The following RAD54B variants were observed in gnomAD, a reference collection of about 807,000 sequenced individuals.
RAD54B encodes DNA repair and recombination protein RAD54B.
Under a neutral mutation model 95.8 loss-of-function variants are expected in RAD54B, and 78 were observed. The observed-to-expected ratio is 0.81, with a 90% confidence interval of 0.68 to 0.98. The LOEUF (loss-of-function observed/expected upper bound fraction) is 0.98. RAD54B is among the 50% of genes least tolerant of loss of function. The pLI, the probability that RAD54B is intolerant of heterozygous loss-of-function variation, is 0.00. For synonymous variants in RAD54B, 328 were observed against 354.9 expected (o/e 0.92, Z 0.85); for missense variants, 957 against 1,056.6 (o/e 0.91, Z 1.31).
intron 3 of RAD54B, among the ~76,000 whole-genome samples, chr8:94,444,376 G>C (rs1301612384): frequency 6.8e-6 from 1 of 147,742 alleles, no homozygotes; most frequent in Non-Finnish European, 1.5e-5. Flanking sequence ...AAGACCACAT[G>C]CATAAGGATG....
Position 94,467,461 on chromosome 8 carries a change from T to G in RAD54B, c.79A>C (p.Asn27His), listed in dbSNP as rs769043606. 4.8e-5 allele frequency: 78 copies of G among 1,613,572 alleles called. No individual in the cohort carries two copies. Among genetic ancestry groups the G allele is most frequent in the Non-Finnish European group, 6.5e-5 (77 of 1,179,802 alleles). Residue 27 changes from asparagine to histidine, a missense_variant, in exon 2 of 15, where the codon AAT becomes CAT. Physicochemically the swap from Asn to His is moderately conservative, Grantham distance 68. Transcript: ENST00000336148. ...GTAATCTCTTCATTCAGACCTGGAT[T>G]ACTTCTTCCTGGAGGTATAAATTTT... ...KPKFIPPGRS[N>H]PGLNEEITKL...
At chr8:94,458,989 G>C (rs979040482) in intron 2 of RAD54B, among the ~76,000 whole-genome samples, 1 of 151,992 alleles carries the variant, frequency 6.6e-6, no homozygotes, top group African/African-American at 2.4e-5. Context: ...TATAATTATA[G>C]TGTATTTTAA....
intron 3 of RAD54B, among the ~76,000 whole-genome samples, chr8:94,414,691 T>C (rs558524191): frequency 2.0e-5 from 3 of 152,110 alleles, no homozygotes; most frequent in Admixed American, 6.6e-5. Context: ...AATCAATGTA[T>C]AAAAATCACA....
intron 8 of RAD54B, among the ~76,000 whole-genome samples, chr8:94,395,621 G>C (rs1811125415): frequency 6.6e-6 from 1 of 152,128 alleles, no homozygotes; most frequent in Admixed American, 6.5e-5. Flanking sequence ...GAGCTAGAAA[G>C]GGCACCAAGA....
intron 4 of RAD54B, among the ~76,000 whole-genome samples, chr8:94,409,113 T>G (rs887628081): frequency 2.0e-5 from 3 of 152,102 alleles, no homozygotes; most frequent in African/African-American, 7.2e-5. Context: ...CACCTCTATC[T>G]TTACATTAAC....
At position 94,415,209 on chromosome 8, in the gene RAD54B, A is replaced by T. The variant is rs529413878; in HGVS notation, c.305-3894T>A. On this transcript the variant is annotated intron_variant, in intron 3 of 14. Transcript: ENST00000336148. ...ATAGAACAGAGCCCTCAGAAATAAC[A>T]CCGCATATCTACAACTATCTGATCT... Among the ~76,000 whole-genome samples, 900 of 151,650 alleles carry T rather than the reference A, an allele frequency of 5.9e-3. 9 individuals are homozygous for T. Among genetic ancestry groups the T allele is most frequent in the Middle Eastern group, 0.027 (8 of 294 alleles).
At chr8:94,393,394 T>A in intron 9 of RAD54B, 1 of 194,108 alleles carries the variant, frequency 5.2e-6, no homozygotes. Flanking sequence ...ACTCCAGGAG[T>A]TCAAGGCCAG....
chr8:94,404,591 G>C (rs1205186675), intron 5 of RAD54B, among the ~76,000 whole-genome samples: 1 of 152,120 alleles, frequency 6.6e-6, no homozygotes, highest in Non-Finnish European at 1.5e-5. Flanking sequence ...TGAAAGTACA[G>C]GTTGGAATTT....
intron 3 of RAD54B, among the ~76,000 whole-genome samples, chr8:94,426,833 G>A (rs1256704302): frequency 1.3e-5 from 2 of 152,094 alleles, no homozygotes; most frequent in East Asian, 3.8e-4. Flanking sequence ...GCATTTCACT[G>A]TATGCAAATC....
intron 3 of RAD54B, chr8:94,427,586 G>T: frequency 2.8e-6 from 1 of 360,104 alleles, no homozygotes; most frequent in Non-Finnish European, 3.9e-6. Flanking sequence ...TTTAGATATG[G>T]TACATTGGCC....
At chr8:94,454,595 T>C (rs200381748) in intron 3 of RAD54B, among the ~76,000 whole-genome samples, 26 of 87,462 alleles carry the variant, frequency 3.0e-4, no homozygotes, top group Non-Finnish European at 6.3e-4. Context: ...ATCTTTTGTG[T>C]TTAACAAGCC....
chr8:94,422,479 T>G (rs1811826999), intron 3 of RAD54B, among the ~76,000 whole-genome samples: 3 of 145,128 alleles, frequency 2.1e-5, no homozygotes, highest in Non-Finnish European at 3.0e-5. Context: ...GCCGGCTACT[T>G]GGGTAGCTGA....
chr8:94,474,326 C>T (rs1233172755), intron 1 of RAD54B, among the ~76,000 whole-genome samples: 1 of 152,114 alleles, frequency 6.6e-6, no homozygotes, highest in Non-Finnish European at 1.5e-5. Context: ...TATACCGATG[C>T]AACAAACCTG....
intron 3 of RAD54B, among the ~76,000 whole-genome samples, chr8:94,423,842 A>C (rs1232679018): frequency 6.6e-6 from 1 of 152,214 alleles, no homozygotes; most frequent in Admixed American, 6.5e-5. Flanking sequence ...GTCACTGTGC[A>C]TTGAATTAAA....
chr8:94,454,722 C>T (rs773590867), intron 3 of RAD54B, among the ~76,000 whole-genome samples: 4 of 152,134 alleles, frequency 2.6e-5, no homozygotes, highest in Non-Finnish European at 5.9e-5. Flanking sequence ...TTCTCATCTG[C>T]AGGCATAAAA....
intron 3 of RAD54B, among the ~76,000 whole-genome samples, chr8:94,422,617 A>AATATATATATATAT (rs1166692675): frequency 2.5e-4 from 11 of 43,572 alleles, no homozygotes; most frequent in African/African-American, 9.0e-4. Context: ...AAAAAAAAAA[A>AATATATATATATAT]ATATATATAT....
intron 4 of RAD54B, 45 bp downstream of exon 4, chr8:94,411,076 A>C: frequency 7.0e-7 from 1 of 1,420,810 alleles, no homozygotes; most frequent in Non-Finnish European, 9.7e-7. Context: ...GGAGATACAT[A>C]CTAATTTCAG....
intron 3 of RAD54B, among the ~76,000 whole-genome samples, chr8:94,444,015 A>G (rs1022261810): frequency 8.5e-5 from 13 of 152,274 alleles, no homozygotes; most frequent in Admixed American, 7.8e-4. Context: ...TTTACTTATG[A>G]AGGCTCCTGT....
intron 11 of RAD54B, among the ~76,000 whole-genome samples, chr8:94,381,120 TGTC>T (rs1810728703): frequency 8.6e-6 from 1 of 116,858 alleles, no homozygotes; most frequent in Non-Finnish European, 2.2e-5. Flanking sequence ...AGCAAGGCCC[TGTC>T]TTTTAAAAAA....
Sources: gnomAD v4.1 joint callset for allele counts (sites outside exome capture counted in the v4.1 genomes callset) on GRCh38, gnomAD v4.1.1 for gene constraint, MANE v1.5 for transcripts, NCBI Gene and HGNC (gene_info 2026-07-23, HGNC 2026-07-21) for gene names.